CCDC181: variants seen among roughly 807,000 people sequenced by gnomAD.
CCDC181 encodes coiled-coil domain-containing protein 181.
CCDC181 carries 35 observed loss-of-function variants against 58.7 expected under a neutral mutation model. The ratio of observed to expected loss-of-function variants is 0.60; its 90% confidence interval spans 0.46 to 0.79. The LOEUF is 0.79. Ranked by LOEUF, CCDC181 falls within the 30% of genes least tolerant of loss-of-function variation. CCDC181 has a pLI of 0.00. For synonymous variants in CCDC181, 183 were observed against 197.5 expected, an observed-to-expected ratio of 0.93 and a Z score of 0.62; for missense variants, 517 against 583.9, an observed-to-expected ratio of 0.89 and a Z score of 1.18.
Position 169,457,126 on chromosome 1 carries a change from C to CT in CCDC181, c.-24+2670dup, listed in dbSNP as rs1006234739. On this transcript the variant is annotated intron_variant, in intron 2 of 6. Transcript: ENST00000545005. The stretch of plus-strand genomic sequence containing the variant: ...AGAAATGGCTGTTAGCTAACTGATT[C>CT]TTTTTTTATATATGATGTCTTTTCT... 2.5e-4 allele frequency among the ~76,000 whole-genome samples: 38 copies of CT among 152,052 alleles called. 2 individuals carry two copies. The highest frequency in any genetic ancestry group is 2.1e-3 in the Admixed American group (32 of 15,258).
intron 2 of CCDC181, among the ~76,000 whole-genome samples, chr1:169,435,882 G>A (rs1390359264): frequency 6.6e-6 from 1 of 152,060 alleles, no homozygotes; most frequent in Non-Finnish European, 1.5e-5. Context: ...TACAATTATA[G>A]AAACCTTGTG....
chr1:169,407,258 C>T lies in CCDC181; in HGVS notation c.1216-9867G>A, dbSNP rs572901728. ...CCAGAGGAAAAAGATTTATTATATACACCAGAACAATGATAAGAATGATAG... is the reference window on the plus strand; with the variant it reads ...CCAGAGGAAAAAGATTTATTATATATACCAGAACAATGATAAGAATGATAG... On this transcript the variant is annotated intron_variant, in intron 4 of 5. Coordinates refer to ENST00000367806, the MANE Select transcript of CCDC181 (RefSeq NM_001300969.2). Among the ~76,000 whole-genome samples the T allele has an allele frequency of 3.9e-5, 6 of 152,148 alleles. No homozygotes were observed. In the East Asian group the frequency reaches 7.7e-4, roughly 20 times the overall value.
intron 1 of CCDC181, among the ~76,000 whole-genome samples, chr1:169,425,913 T>A (rs1349359626): frequency 6.6e-6 from 1 of 152,096 alleles, no homozygotes; most frequent in African/African-American, 2.4e-5. Flanking sequence ...CTTTAGTAGA[T>A]ATGTTTTATT....
chr1:169,402,097 G>A (rs1427361765), intron 4 of CCDC181, among the ~76,000 whole-genome samples: 3 of 152,038 alleles, frequency 2.0e-5, no homozygotes, highest in African/African-American at 7.2e-5. Flanking sequence ...GAGAAGAGAA[G>A]TTTAGAGAAA....
Position 169,404,770 on chromosome 1 carries a change from C to T in CCDC181, c.1216-7379G>A, listed in dbSNP as rs569914366. ...GGCACAAGACAGGGATGCCCTCTCT[C>T]GCCACTCCTATTCAACATAGTGTTG... is the stretch of plus-strand genomic sequence containing the variant. On this transcript the variant is annotated intron_variant, in intron 4 of 5. Transcript: ENST00000367806. Among the ~76,000 whole-genome samples, 15 of 152,286 alleles carry T rather than the reference C, an allele frequency of 9.8e-5. 1 individual carries two copies. In the South Asian group the frequency reaches 2.1e-3, roughly 21 times the overall value.
upstream of CCDC181, among the ~76,000 whole-genome samples, chr1:169,429,106 C>G (rs182338281): frequency 6.6e-6 from 1 of 152,306 alleles, no homozygotes; most frequent in African/African-American, 2.4e-5. Context: ...ACCTCCATTT[C>G]CATCCAGGTA....
intron 2 of CCDC181, among the ~76,000 whole-genome samples, chr1:169,445,008 C>T (rs939526123): frequency 7.2e-5 from 11 of 152,142 alleles, no homozygotes; most frequent in Non-Finnish European, 1.3e-4. Context: ...ATAATCAGGC[C>T]CCTTCTCACC....
upstream of CCDC181, among the ~76,000 whole-genome samples, chr1:169,430,529 A>C (rs555450152): frequency 6.6e-6 from 1 of 152,186 alleles, no homozygotes; most frequent in Non-Finnish European, 1.5e-5. Flanking sequence ...GTATATTCCT[A>C]AGTATTTTAT....
chr1:169,429,427 A>G (rs139738753), upstream of CCDC181, among the ~76,000 whole-genome samples: 9 of 152,272 alleles, frequency 5.9e-5, 1 homozygote, highest in East Asian at 1.7e-3. Flanking sequence ...CACCAGTATA[A>G]AAGTGTTCCC....
chr1:169,408,026 G>A lies in CCDC181; in HGVS notation c.1216-10635C>T, dbSNP rs1165319031. ...GGCCGTTTGGGAAGACACCAAGCTAGCTGCAGGAGTTTTTCATCATACTGG... is the reference window on the plus strand; with the variant it reads ...GGCCGTTTGGGAAGACACCAAGCTAACTGCAGGAGTTTTTCATCATACTGG... On this transcript the variant is annotated intron_variant, in intron 4 of 5. Coordinates refer to ENST00000367806, the MANE Select transcript of CCDC181 (RefSeq NM_001300969.2). Among the ~76,000 whole-genome samples, 4 of 152,168 alleles carry A rather than the reference G, an allele frequency of 2.6e-5. No individual in the cohort carries two copies. In the East Asian group the frequency reaches 7.7e-4, roughly 29 times the overall value.
chr1:169,404,265 C>T (rs1175286466), intron 4 of CCDC181, among the ~76,000 whole-genome samples: 1 of 152,212 alleles, frequency 6.6e-6, no homozygotes, highest in Non-Finnish European at 1.5e-5. Flanking sequence ...CCTTCTGAAA[C>T]TATTCCAATC....
intron 2 of CCDC181, chr1:169,442,529 G>C (rs1033244541): frequency 6.6e-6 from 1 of 152,022 alleles, no homozygotes; most frequent in Admixed American, 6.6e-5. Context: ...TGAAAGGAAG[G>C]GAAAGAAAAG....
chr1:169,414,767 T>C (rs1194857470), intron 4 of CCDC181, among the ~76,000 whole-genome samples: 1 of 152,222 alleles, frequency 6.6e-6, no homozygotes, highest in African/African-American at 2.4e-5. Context: ...ATGACTCACA[T>C]TATACACAAT....
chr1:169,407,601 T>G (rs1655734701), intron 4 of CCDC181, among the ~76,000 whole-genome samples: 1 of 152,116 alleles, frequency 6.6e-6, no homozygotes, highest in Non-Finnish European at 1.5e-5. Flanking sequence ...TTAAAAACTA[T>G]CGATCAATAA....
At chr1:169,417,252 T>C (rs1656254497) in intron 4 of CCDC181, among the ~76,000 whole-genome samples, 1 of 152,186 alleles carries the variant, frequency 6.6e-6, no homozygotes, top group Non-Finnish European at 1.5e-5. Flanking sequence ...ACTTCAGATA[T>C]CAATCAAAAG....
intron 2 of CCDC181, among the ~76,000 whole-genome samples, chr1:169,445,152 A>T (rs1282036693): frequency 6.6e-6 from 1 of 152,146 alleles, no homozygotes; most frequent in East Asian, 1.9e-4. Context: ...TCTTCTGCAG[A>T]TATTTTCATA....
intron 4 of CCDC181, among the ~76,000 whole-genome samples, chr1:169,404,596 G>GA (rs1655545015): frequency 6.6e-6 from 1 of 152,074 alleles, no homozygotes; most frequent in South Asian, 2.1e-4. Flanking sequence ...AAAGGCCTTC[G>GA]AAAAAATTCA....
intron 2 of CCDC181, among the ~76,000 whole-genome samples, chr1:169,445,105 C>G (rs1252930571): frequency 1.3e-5 from 2 of 152,154 alleles, no homozygotes; most frequent in African/African-American, 4.8e-5. Flanking sequence ...ATAACAAGGT[C>G]TTTCCCATGT....
At chr1:169,433,887 C>G (rs1473523775) in intron 2 of CCDC181, among the ~76,000 whole-genome samples, 1 of 151,998 alleles carries the variant, frequency 6.6e-6, no homozygotes, top group African/African-American at 2.4e-5. Context: ...GATATGACAG[C>G]AAAAGCACAT....
Sources: allele counts gnomAD v4.1 joint callset (sites outside exome capture counted in the v4.1 genomes callset), GRCh38; gene constraint gnomAD v4.1.1; transcripts MANE v1.5; gene names NCBI Gene and HGNC (gene_info 2026-07-23, HGNC 2026-07-21).